CEP152: variants seen among roughly 807,000 people sequenced by gnomAD.
CEP152 encodes centrosomal protein of 152 kDa.
Under a neutral mutation model 188.9 loss-of-function variants are expected in CEP152, and 132 were observed. The observed-to-expected ratio is 0.70, with a 90% CI of 0.61 to 0.81. The LOEUF is 0.81. Ranked by LOEUF, CEP152 falls within the 30% of genes least tolerant of loss-of-function variation. The probability of loss-of-function intolerance (pLI) is 0.00; values close to 1 mark genes in which losing one functional copy is unlikely to be tolerated. For missense variants in CEP152, 1,914 were observed against 1,969.8 expected, an observed-to-expected ratio of 0.97 and a Z score of 0.54; for synonymous variants, 649 against 666.6, an observed-to-expected ratio of 0.97 and a Z score of 0.41.
intron 12 of CEP152, among the ~76,000 whole-genome samples, chr15:48,777,933 T>C (rs1334053966): frequency 6.6e-6 from 1 of 152,178 alleles, no homozygotes; most frequent in Non-Finnish European, 1.5e-5. Flanking sequence ...AAAAAATCAG[T>C]GGTAGTGACC....
intron 1 of CEP152, 35 bp from the exon 2 acceptor site, chr15:48,805,691 C>T: frequency 6.2e-7 from 1 of 1,612,832 alleles, no homozygotes; most frequent in Non-Finnish European, 8.5e-7. Flanking sequence ...TTTCTGGACA[C>T]CACATAAAAT....
chr15:48,803,724 GC>G lies in CEP152; in HGVS notation c.87+1838del, dbSNP rs377531852. On this transcript the variant is annotated intron_variant, in intron 2 of 26. Transcript: ENST00000380950. ...TTTTCTATATTATCTAGAATTAATT[GC>G]CTCCTTAACTAGTATCCCCTCTAAA... Among the ~76,000 whole-genome samples, 515 of 152,174 alleles carry G rather than the reference GC, an allele frequency of 3.4e-3. 3 individuals are homozygous for G. The highest frequency in any genetic ancestry group is 0.012 in the African/African-American group (487 of 41,522).
chr15:48,791,772 C>A (rs1326392483), intron 7 of CEP152, among the ~76,000 whole-genome samples: 1 of 151,844 alleles, frequency 6.6e-6, no homozygotes, highest in Admixed American at 6.6e-5. Flanking sequence ...CCACCTTGGC[C>A]TCCCAAAGTG....
In CEP152 at chr15:48,752,357, G is replaced by A; in HGVS notation, c.3458C>T (p.Ala1153Val). ...GAACAAAATCCAATTACCAGCTTCT[G>A]CTTCTGTTGCTTGTAAGGCCAAGGG... ...AQPLALQATE[A>V]EADKKKVLEI... The change falls in exon 21 of 27, where the codon GCA becomes GTA. Residue 1153 changes from alanine to valine, a missense_variant. Coordinates refer to ENST00000380950, the MANE Select transcript of CEP152 (RefSeq NM_001194998.2). 6.2e-7 allele frequency: 1 copy of A among 1,614,028 alleles called. No homozygotes were observed. The highest frequency in any genetic ancestry group is 8.5e-7 in the Non-Finnish European group (1 of 1,180,008).
chr15:48,800,862 A>G (rs1169036505), intron 2 of CEP152, among the ~76,000 whole-genome samples: 1 of 152,232 alleles, frequency 6.6e-6, no homozygotes, highest in Non-Finnish European at 1.5e-5. Context: ...AAAAGAAAAA[A>G]AAAGAGAGCA....
In CEP152 at chr15:48,760,140, T is replaced by C. The variant is rs758857798; in HGVS notation, c.2689A>G (p.Lys897Glu). 6.2e-7 allele frequency: 1 copy of C among 1,613,966 alleles called. No individual in the cohort carries two copies. The highest frequency in any genetic ancestry group is 8.5e-7 in the Non-Finnish European group (1 of 1,179,890). ...CTTTGCAGAAGAGCTCTTACCCTTT[T>C]GTTCACAGAGACCTCATGCTGTTCT... is the stretch of plus-strand genomic sequence containing the variant. ...WEEQHEVSVNKRISFAVSEAK... is the reference protein window; with the variant it reads ...WEEQHEVSVNERISFAVSEAK... Residue 897 changes from lysine to glutamate, a missense_variant, in exon 19 of 27, where the codon AAA (lysine) becomes GAA (glutamate). Coordinates refer to ENST00000380950, the MANE Select transcript of CEP152 (RefSeq NM_001194998.2).
intron 12 of CEP152, among the ~76,000 whole-genome samples, chr15:48,778,035 A>G (rs148723743): frequency 3.9e-5 from 6 of 152,352 alleles, no homozygotes; most frequent in Non-Finnish European, 7.3e-5. Flanking sequence ...TGCTGAGAAG[A>G]CCAAAGGGAA....
intron 13 of CEP152, among the ~76,000 whole-genome samples, chr15:48,770,663 C>T (rs2140776142): frequency 6.6e-6 from 1 of 152,226 alleles, no homozygotes; most frequent in East Asian, 1.9e-4. Flanking sequence ...CTTTCATTCC[C>T]ATCCTTTTAA....
chr15:48,794,624 T>G (rs1897179908), intron 6 of CEP152, among the ~76,000 whole-genome samples: 1 of 152,206 alleles, frequency 6.6e-6, no homozygotes, highest in Non-Finnish European at 1.5e-5. Context: ...TGTAACTGAC[T>G]CAACTTGAAG....
rs1456023002 is a variant in CEP152, at chr15:48,739,283, G to A, written c.4099C>T (p.Pro1367Ser). 6.2e-7 allele frequency: 1 copy of A among 1,612,802 alleles called. No homozygotes were observed. The highest frequency in any genetic ancestry group is 8.5e-7 in the Non-Finnish European group (1 of 1,179,786). ...GCAATCAGCATCTCTGAAGTTAGGG[G>A]CAGTGCTATTATGTGCAAGGAAACA... ...SQSKTTQSALPLTSEMLIAVK... is the reference protein window; with the variant it reads ...SQSKTTQSALSLTSEMLIAVK... Residue 1367 changes from proline (P) to serine (S), a missense_variant, in exon 27 of 27, where the codon CCC (proline) becomes TCC (serine). Physicochemically the swap from Pro to Ser is moderately conservative, Grantham distance 74. Coordinates refer to ENST00000380950, the MANE Select transcript of CEP152 (RefSeq NM_001194998.2).
intron 12 of CEP152, among the ~76,000 whole-genome samples, chr15:48,779,156 TG>T (rs2087404810): frequency 6.6e-6 from 1 of 152,228 alleles, no homozygotes; most frequent in Admixed American, 6.5e-5. Context: ...AAATCTTTTT[TG>T]TCATGAACTA....
At chr15:48,740,940 C>T in intron 26 of CEP152, 2 of 748,276 alleles carry the variant, frequency 2.7e-6, no homozygotes, top group East Asian at 1.3e-4. Context: ...AACTAATTAC[C>T]CCATTCATAT....
In CEP152 at chr15:48,756,420, T is replaced by C. The variant is rs200234298; in HGVS notation, c.2828A>G (p.Glu943Gly). The C allele has an allele frequency of 8.2e-5, 133 of 1,613,646 alleles. No homozygotes were observed. The highest frequency in any genetic ancestry group is 1.5e-4 in the Admixed American group (9 of 59,972). ...AGCCCTGATGACCACAGGGACTTCT[T>C]CGTTCTTTAACTCAAGTTCCTTCTG... ...SLQKELELKN[E>G]EVPVVIRAEL... Residue 943 changes from glutamate (E) to glycine (G), a missense_variant, in exon 20 of 27, where the codon GAA (glutamate) becomes GGA (glycine). By Grantham distance (98) the Glu-to-Gly change is moderately conservative. Coordinates refer to ENST00000380950, the MANE Select transcript of CEP152 (RefSeq NM_001194998.2).
At chr15:48,740,973 T>G in intron 26 of CEP152, 3 of 946,908 alleles carry the variant, frequency 3.2e-6, no homozygotes, top group Non-Finnish European at 3.8e-6. Flanking sequence ...CTATTTCTCC[T>G]GGAACATATC....
intron 2 of CEP152, among the ~76,000 whole-genome samples, chr15:48,802,380 T>C (rs1171708486): frequency 1.1e-4 from 17 of 152,174 alleles, no homozygotes; most frequent in Admixed American, 1.1e-3. Context: ...TGACAATTAA[T>C]TGATATTAAC....
intron 21 of CEP152, 90 bp from the exon 22 acceptor site, chr15:48,748,700 G>T: frequency 7.7e-7 from 1 of 1,294,510 alleles, no homozygotes. Context: ...AAGAAAAGCA[G>T]ATGACTCATG....
intron 20 of CEP152, among the ~76,000 whole-genome samples, chr15:48,754,991 C>G (rs1894151844): frequency 6.6e-6 from 1 of 151,250 alleles, no homozygotes; most frequent in South Asian, 2.1e-4. Context: ...AGTCTCAACT[C>G]TATTAGACAA....
intron 18 of CEP152, 90 bp from the exon 19 acceptor site, chr15:48,760,356 T>A: frequency 7.0e-7 from 1 of 1,435,458 alleles, no homozygotes; most frequent in Non-Finnish European, 9.7e-7. Flanking sequence ...TTTCAGTATT[T>A]TATACTGTAT....
intron 24 of CEP152, among the ~76,000 whole-genome samples, chr15:48,743,634 G>A (rs1054217909): frequency 4.6e-5 from 7 of 152,112 alleles, no homozygotes; most frequent in African/African-American, 1.2e-4. Context: ...AGGCCGAAGC[G>A]GGTGGATCAC....
Sources: allele counts gnomAD v4.1 joint callset (sites outside exome capture counted in the v4.1 genomes callset), GRCh38; gene constraint gnomAD v4.1.1; transcripts MANE v1.5; gene names NCBI Gene and HGNC (gene_info 2026-07-23, HGNC 2026-07-21).